The following ZHX3 variants were observed in gnomAD, a reference collection of about 807,000 sequenced individuals.
ZHX3 encodes zinc fingers and homeoboxes 3.
In ZHX3, 20 loss-of-function variants were observed where a neutral mutation model predicts 64.5. The observed-to-expected ratio is 0.31, with a 90% CI of 0.22 to 0.45. The LOEUF (loss-of-function observed/expected upper bound fraction) is 0.45. Among genes scored for constraint, ZHX3 ranks in the 20% least tolerant of loss-of-function variants. ZHX3 has a pLI of 1.00. For missense variants in ZHX3, 1,041 were observed against 1,195.8 expected (o/e 0.87, Z 1.91); for synonymous variants, 423 against 461.6 (o/e 0.92, Z 1.07).
chr20:41,197,431 AT>A (rs1050385106), intron 3 of ZHX3, among the ~76,000 whole-genome samples: 2 of 147,514 alleles, frequency 1.4e-5, no homozygotes, highest in Admixed American at 6.8e-5. Flanking sequence ...AAATATATAT[AT>A]TTTTTTTCTC....
chr20:41,248,856 AT>A (rs1171691345), intron 2 of ZHX3, among the ~76,000 whole-genome samples: 1 of 152,148 alleles, frequency 6.6e-6, no homozygotes. Flanking sequence ...TAACAAAAAG[AT>A]TTTTCCCCCC....
chr20:41,306,080 G>C (rs886067233), intron 1 of ZHX3, among the ~76,000 whole-genome samples: 1 of 152,098 alleles, frequency 6.6e-6, no homozygotes, highest in Admixed American at 6.5e-5. Flanking sequence ...CGACTTTAAA[G>C]ATAACTATAT....
intron 1 of ZHX3, among the ~76,000 whole-genome samples, chr20:41,309,197 G>C (rs2045061062): frequency 6.6e-6 from 1 of 152,138 alleles, no homozygotes; most frequent in Admixed American, 6.5e-5. Context: ...AGCATTCTTA[G>C]TTCACTGTTT....
Position 41,232,740 on chromosome 20 carries a change from C to T in ZHX3, c.-150-27674G>A, listed in dbSNP as rs903897743. ...GCGGGGGACTACAGGCGCCCACCAC[C>T]TCGCCCGGCTAATTTTTTGTATTTT... is the stretch of plus-strand genomic sequence containing the variant. On this transcript the variant is annotated intron_variant, in intron 2 of 3. Transcript: ENST00000683867. This position sits in a 1 kb window ranked among gnomAD's most constrained non-coding sequence, Gnocchi z 5.0. 2.0e-5 allele frequency among the ~76,000 whole-genome samples: 3 copies of T among 152,106 alleles called. No individual in the cohort carries two copies. Among genetic ancestry groups the T allele is most frequent in the South Asian group, 2.1e-4 (1 of 4,818 alleles).
chr20:41,220,288 T>C (rs972080328), intron 2 of ZHX3, among the ~76,000 whole-genome samples: 1 of 152,166 alleles, frequency 6.6e-6, no homozygotes. Context: ...AGTAGATAAG[T>C]TGAGAAAAGA....
At chr20:41,190,126 G>A (rs1237794282) in intron 3 of ZHX3, among the ~76,000 whole-genome samples, 1 of 152,070 alleles carries the variant, frequency 6.6e-6, no homozygotes, top group African/African-American at 2.4e-5. Flanking sequence ...ACTGAATGGT[G>A]TATGTTAAAC....
At chr20:41,205,765 G>A (rs548684340) in intron 2 of ZHX3, among the ~76,000 whole-genome samples, 1 of 152,288 alleles carries the variant, frequency 6.6e-6, no homozygotes, top group East Asian at 1.9e-4. Flanking sequence ...CCAGTTTGTG[G>A]CCCAGCAAGC....
In ZHX3 at chr20:41,202,073, C is replaced by CT; in HGVS notation, c.2843dup (p.Ala949GlyfsTer13). 6.2e-7 allele frequency: 1 copy of CT among 1,602,730 alleles called. No individual in the cohort carries two copies. Among genetic ancestry groups the CT allele is most frequent in the Non-Finnish European group, 8.5e-7 (1 of 1,173,238 alleles). The stretch of plus-strand genomic sequence containing the variant: ...ACTCCTTACCGAGCTGACGTCCAGC[C>CT]TGGGGACTCGATGTGTCAAAGGGCT... On this transcript the variant is annotated frameshift_variant, in exon 3 of 4. Coordinates refer to ENST00000683867, the MANE Select transcript of ZHX3 (RefSeq NM_001384317.1). LOFTEE classifies it high-confidence loss of function. This position sits in a 1 kb window ranked among gnomAD's most constrained non-coding sequence, Gnocchi z 7.0.
In ZHX3 at chr20:41,200,033, T is replaced by C. The variant is rs2038090979; in HGVS notation, c.2860+2024A>G. Among the ~76,000 whole-genome samples the C allele has an allele frequency of 6.6e-6, 1 of 152,142 alleles. No homozygotes were observed. The highest frequency in any genetic ancestry group is 1.5e-5 in the Non-Finnish European group (1 of 68,030). On this transcript the variant is annotated intron_variant, in intron 3 of 3. Transcript: ENST00000683867. The surrounding 1 kb of genome is among the most constrained non-coding windows in gnomAD (Gnocchi z 4.2). ...TGACTTTTGGAGGACAAAGTTGTTA[T>C]TGCCTACCCTGGCACCAACAGTCTG...
chr20:41,246,088 A>T (rs2041671844), intron 2 of ZHX3, among the ~76,000 whole-genome samples: 1 of 152,198 alleles, frequency 6.6e-6, no homozygotes, highest in African/African-American at 2.4e-5. Flanking sequence ...GTTCTTTTGC[A>T]TCTCCTTTCC....
intron 1 of ZHX3, among the ~76,000 whole-genome samples, chr20:41,276,805 A>G (rs2043404882): frequency 6.6e-6 from 1 of 152,240 alleles, no homozygotes; most frequent in Admixed American, 6.5e-5. Context: ...TTTATGACAT[A>G]GCTACAAACT....
chr20:41,301,797 G>A (rs1265809048), intron 1 of ZHX3, among the ~76,000 whole-genome samples: 8 of 152,252 alleles, frequency 5.3e-5, no homozygotes, highest in East Asian at 1.9e-4. Context: ...GCTCACGCCT[G>A]TAATCCCAGC....
chr20:41,211,823 C>A (rs1006492477), intron 2 of ZHX3, among the ~76,000 whole-genome samples: 17 of 152,170 alleles, frequency 1.1e-4, no homozygotes, highest in Non-Finnish European at 1.5e-4. Flanking sequence ...GTTAAGTGCA[C>A]AGGAATGGGC....
intron 1 of ZHX3, among the ~76,000 whole-genome samples, chr20:41,282,998 T>C (rs938475204): frequency 2.6e-5 from 4 of 152,142 alleles, no homozygotes; most frequent in Admixed American, 1.3e-4. Flanking sequence ...AACCTCCGTC[T>C]CCTGGGTTCA....
chr20:41,280,907 G>A (rs553779008), intron 1 of ZHX3, among the ~76,000 whole-genome samples: 1 of 151,682 alleles, frequency 6.6e-6, no homozygotes, highest in Non-Finnish European at 1.5e-5. Flanking sequence ...GGAGAGGACA[G>A]AGGAAAAGAA....
chr20:41,310,544 C>T lies in ZHX3; in HGVS notation c.-245+6965G>A, dbSNP rs147898497. Among the ~76,000 whole-genome samples the T allele has an allele frequency of 7.2e-5, 11 of 152,184 alleles. No individual in the cohort carries two copies. The East Asian group carries it at 1.9e-3, about 27-fold the overall frequency. ...TCACTTGGTTATTTGAAATAAACTC[C>T]CTGGTGGTAAGCATTACTGACGTAA... On this transcript the variant is annotated intron_variant, in intron 1 of 3. Coordinates refer to ENST00000683867, the MANE Select transcript of ZHX3 (RefSeq NM_001384317.1).
rs1179408477 is a variant in ZHX3 at position 41,202,086 on chromosome 20, G to A, written c.2831C>T (p.Thr944Ile). 1.2e-6 allele frequency: 2 copies of A among 1,608,174 alleles called. No homozygotes were observed. The highest frequency in any genetic ancestry group is 2.2e-5 in the South Asian group (2 of 90,354). ...VPEASSEPFD[T>I]SSPQAGRQLE... Reference sequence around the variant, plus strand: ...CTGACGTCCAGCCTGGGGACTCGATGTGTCAAAGGGCTCTGAGCTGGCCTC... The same window carrying A: ...CTGACGTCCAGCCTGGGGACTCGATATGTCAAAGGGCTCTGAGCTGGCCTC... Residue 944 changes from threonine to isoleucine, a missense_variant, in exon 3 of 4, where the codon ACA (threonine) becomes ATA (isoleucine). Physicochemically the swap from Thr to Ile is moderately conservative, Grantham distance 89. Transcript: ENST00000683867. The surrounding 1 kb of genome is among the most constrained non-coding windows in gnomAD (Gnocchi z 7.0).
intron 1 of ZHX3, among the ~76,000 whole-genome samples, chr20:41,297,860 G>A (rs1307098764): frequency 6.6e-6 from 1 of 152,180 alleles, no homozygotes; most frequent in Non-Finnish European, 1.5e-5. Context: ...TTGAGTCCTA[G>A]CCCACCATAA....
chr20:41,268,214 C>G (rs1013102003), intron 2 of ZHX3, among the ~76,000 whole-genome samples: 1 of 152,162 alleles, frequency 6.6e-6, no homozygotes, highest in African/African-American at 2.4e-5. Context: ...ATGACTCTGC[C>G]TCCATTTCTT....
Sources: allele counts gnomAD v4.1 joint callset (sites outside exome capture counted in the v4.1 genomes callset), GRCh38; gene constraint gnomAD v4.1.1; non-coding constraint Gnocchi (gnomAD v3.1); transcripts MANE v1.5; gene names NCBI Gene and HGNC (gene_info 2026-07-23, HGNC 2026-07-21).